The following PCDH7 variants were observed in gnomAD, a reference collection of about 807,000 sequenced individuals.
PCDH7 encodes the protein protocadherin-7.
Under a neutral mutation model 58.9 loss-of-function variants are expected in PCDH7, and 17 were observed. The ratio of observed to expected loss-of-function variants is 0.29; its 90% CI spans 0.20 to 0.43. The LOEUF (loss-of-function observed/expected upper bound fraction) is 0.43, where lower values mean the gene tolerates loss of function less well. Among genes scored for constraint, PCDH7 ranks in the 20% least tolerant of loss-of-function variants. PCDH7 has a pLI of 1.00. For synonymous variants in PCDH7, 664 were observed against 616.4 expected (o/e 1.08, Z -1.14); for missense variants, 1,274 against 1,441.0 (o/e 0.88, Z 1.88).
downstream of PCDH7, among the ~76,000 whole-genome samples, chr4:30,733,207 T>A (rs1325409123): frequency 3.3e-5 from 5 of 152,204 alleles, no homozygotes; most frequent in African/African-American, 7.2e-5. Flanking sequence ...TAGTTTAGCA[T>A]GTGGATATTT....
intron 1 of PCDH7, among the ~76,000 whole-genome samples, chr4:30,746,270 G>C (rs1253760391): frequency 6.6e-6 from 1 of 152,160 alleles, no homozygotes; most frequent in Non-Finnish European, 1.5e-5. Flanking sequence ...CAGGCAGAAA[G>C]ACCACAACAT....
chr4:30,866,833 C>A (rs10008068), intron 1 of PCDH7, among the ~76,000 whole-genome samples: 11,522 of 152,084 alleles, frequency 0.076, 639 homozygotes, highest in East Asian at 0.26. Flanking sequence ...CCTTCTGCAG[C>A]CATTAAAGAA....
At chr4:31,106,409 A>T (rs1469743083) in intron 3 of PCDH7, among the ~76,000 whole-genome samples, 2 of 152,230 alleles carry the variant, frequency 1.3e-5, no homozygotes, top group Non-Finnish European at 2.9e-5. Context: ...TACGCTAGTC[A>T]CCAGGTAAGT....
intron 1 of PCDH7, among the ~76,000 whole-genome samples, chr4:30,738,433 A>G (rs6815007): frequency 0.45 from 68,891 of 151,698 alleles, 16,365 homozygotes; most frequent in Middle Eastern, 0.53. Context: ...CGTTTTTGTG[A>G]AAAATATATG....
chr4:30,765,011 G>A (rs184895783), intron 1 of PCDH7, among the ~76,000 whole-genome samples: 12 of 151,532 alleles, frequency 7.9e-5, no homozygotes, highest in East Asian at 1.9e-4. Flanking sequence ...GAGCCACCGC[G>A]CCCTGCCTGG....
intron 2 of PCDH7, among the ~76,000 whole-genome samples, chr4:30,940,784 A>T (rs1197012755): frequency 6.6e-6 from 1 of 152,026 alleles, no homozygotes; most frequent in Non-Finnish European, 1.5e-5. Flanking sequence ...CAGGCAGCTG[A>T]TTGAAATAAG....
chr4:30,908,732 T>G (rs753317880), intron 1 of PCDH7, among the ~76,000 whole-genome samples: 3 of 152,054 alleles, frequency 2.0e-5, no homozygotes, highest in Non-Finnish European at 4.4e-5. Flanking sequence ...CCATTTCTTC[T>G]GAAACTATTC....
intron 3 of PCDH7, among the ~76,000 whole-genome samples, chr4:31,133,369 G>C (rs1317476633): frequency 1.3e-5 from 2 of 152,112 alleles, no homozygotes; most frequent in Non-Finnish European, 2.9e-5. Flanking sequence ...AAGTAATTTT[G>C]AATATAGGAA....
At chr4:31,029,080 T>C (rs1485268064) in intron 3 of PCDH7, among the ~76,000 whole-genome samples, 2 of 152,240 alleles carry the variant, frequency 1.3e-5, no homozygotes, top group Non-Finnish European at 2.9e-5. Context: ...AAATTTTAAA[T>C]ATTTCTTTGA....
chr4:30,882,361 A>C (rs1245064745), intron 1 of PCDH7, among the ~76,000 whole-genome samples: 3 of 151,944 alleles, frequency 2.0e-5, no homozygotes, highest in African/African-American at 4.8e-5. Context: ...CTCCTGGGCT[A>C]AAGCAGTTCT....
intron 1 of PCDH7, chr4:30,725,261 T>C (rs1249927139): frequency 4.0e-6 from 4 of 992,268 alleles, no homozygotes; most frequent in Non-Finnish European, 4.9e-6. Context: ...TATAATGATA[T>C]GCAATTACCA....
Position 31,057,870 on chromosome 4 carries a change from A to T in PCDH7, c.*8-84603A>T, listed in dbSNP as rs557050042. The stretch of plus-strand genomic sequence containing the variant: ...TACTTACTCTCTTAAAGAGGAGACA[A>T]AACATGTACCTGGAATATGTACATA... On this transcript the variant is annotated intron_variant, in intron 3 of 3. Transcript: ENST00000509759. Among the ~76,000 whole-genome samples, 5 of 152,210 alleles carry T rather than the reference A, an allele frequency of 3.3e-5. No homozygotes were observed. The South Asian group carries it at 1.0e-3, about 32-fold the overall frequency.
intron 1 of PCDH7, among the ~76,000 whole-genome samples, chr4:30,856,225 C>T (rs992285745): frequency 2.0e-5 from 3 of 151,940 alleles, no homozygotes; most frequent in African/African-American, 7.3e-5. Flanking sequence ...ATTTAAAGCA[C>T]TCTCTTTTTC....
At chr4:30,796,930 CT>C (rs945885559) in intron 1 of PCDH7, among the ~76,000 whole-genome samples, 57 of 151,962 alleles carry the variant, frequency 3.8e-4, no homozygotes, top group African/African-American at 1.3e-3. Flanking sequence ...TTTTACTGAG[CT>C]TTTTCTAATT....
chr4:31,116,822 GT>G (rs1176249422), intron 3 of PCDH7, among the ~76,000 whole-genome samples: 1 of 151,772 alleles, frequency 6.6e-6, no homozygotes, highest in African/African-American at 2.4e-5. Flanking sequence ...TATTTGTGGG[GT>G]TTTTTTGTTG....
intron 3 of PCDH7, among the ~76,000 whole-genome samples, chr4:31,011,526 CTCT>C (rs1243151987): frequency 2.6e-5 from 4 of 151,946 alleles, no homozygotes; most frequent in African/African-American, 4.8e-5. Flanking sequence ...CTTCTTTTCT[CTCT>C]TCTTTGCAGA....
chr4:30,935,871 T>G (rs1399130936), intron 2 of PCDH7, among the ~76,000 whole-genome samples: 1 of 152,096 alleles, frequency 6.6e-6, no homozygotes, highest in East Asian at 1.9e-4. Context: ...GAGATAATTT[T>G]CTGAGCACAG....
chr4:30,764,806 C>CCCCT (rs2109272201), intron 1 of PCDH7, among the ~76,000 whole-genome samples: 1 of 152,132 alleles, frequency 6.6e-6, no homozygotes, highest in South Asian at 2.1e-4. Flanking sequence ...CTACAACCTC[C>CCCCT]CCCTCCCTGG....
rs866520979 is a variant in PCDH7, at chr4:30,759,002, C to T, written c.70+34406C>T. Among the ~76,000 whole-genome samples the T allele has an allele frequency of 6.5e-5, 9 of 138,928 alleles. No individual in the cohort carries two copies. In the Middle Eastern group the frequency reaches 0.011, roughly 175 times the overall value. 91.1% of individuals were successfully genotyped at this position (138,928 alleles called of 152,430 possible). ...TGTCACCCAGGCTGGAGTGCAGTGA[C>T]GTGATCGCGGCTCACTGCAACCTCC... On this transcript the variant is annotated intron_variant, in intron 1 of 3. Coordinates refer to the PCDH7 transcript ENST00000509759.
Sources: allele counts gnomAD v4.1 joint callset (sites outside exome capture counted in the v4.1 genomes callset), GRCh38; gene constraint gnomAD v4.1.1; transcripts MANE v1.5; gene names NCBI Gene and HGNC (gene_info 2026-07-23, HGNC 2026-07-21).